Variants in ANKRD46 observed in about 807,000 individuals in gnomAD.
ANKRD46 encodes the protein ankyrin repeat domain 46, also known as ankyrin repeat domain-containing protein 46.
Under a neutral mutation model 19.8 loss-of-function variants are expected in ANKRD46, and 13 were observed. That is an observed-to-expected ratio of 0.66 (90% CI 0.43 to 1.04). The LOEUF (loss-of-function observed/expected upper bound fraction) is 1.04, where lower values mean the gene tolerates loss of function less well. Among genes scored for constraint, ANKRD46 ranks in the 50% least tolerant of loss-of-function variants. The pLI is 0.00. For synonymous variants in ANKRD46, 91 were observed against 106.9 expected (o/e 0.85, Z 0.92); for missense variants, 185 against 274.8 (o/e 0.67, Z 2.31).
intron 3 of ANKRD46, among the ~76,000 whole-genome samples, chr8:100,528,596 A>G (rs1811892801): frequency 6.6e-6 from 1 of 150,658 alleles, no homozygotes; most frequent in Non-Finnish European, 1.5e-5. Flanking sequence ...CTAGTTCTAG[A>G]TTCATTCTTA....
chr8:100,541,401 C>T (rs62515840), intron 1 of ANKRD46, among the ~76,000 whole-genome samples: 7,665 of 152,150 alleles, frequency 0.05, 298 homozygotes, highest in Non-Finnish European at 0.074. Context: ...GAGATTGTAT[C>T]CTTAGAAGAA....
intron 1 of ANKRD46, among the ~76,000 whole-genome samples, chr8:100,553,372 A>C (rs1812432197): frequency 6.6e-6 from 1 of 152,204 alleles, no homozygotes; most frequent in South Asian, 2.1e-4. Context: ...GATGACTGAT[A>C]GTAGGACTAA....
chr8:100,535,032 G>A (rs1462545128), intron 1 of ANKRD46, among the ~76,000 whole-genome samples: 1 of 152,218 alleles, frequency 6.6e-6, no homozygotes, highest in African/African-American at 2.4e-5. Context: ...CTCCCAAAGT[G>A]CTGGGATTAC....
In ANKRD46 at chr8:100,524,825, C is replaced by G. The variant is rs1332268739; in HGVS notation, c.471-2054G>C. 4.6e-5 allele frequency among the ~76,000 whole-genome samples: 7 copies of G among 152,122 alleles called. No individual in the cohort carries two copies. The highest frequency in any genetic ancestry group is 4.6e-4 in the Admixed American group (7 of 15,272). The stretch of plus-strand genomic sequence containing the variant: ...TGCCAATCGGGATATTCTATAAAGA[C>G]TTTATCCAATGAAATGCTTTCTACT... On this transcript the variant is annotated intron_variant, in intron 4 of 4. Coordinates refer to ENST00000335659, the MANE Select transcript of ANKRD46 (RefSeq NM_001270377.2). This position sits in a 1 kb window ranked among gnomAD's most constrained non-coding sequence, Gnocchi z 4.3.
rs1812378154 is a variant in ANKRD46 at position 100,551,070 on chromosome 8, C to G, written c.-131+8641G>C. ...TGTTCAGCTCGGGGATGGCCTTGCC[C>G]ACAGCCTTGGCAACACCAGTAGATG... On this transcript the variant is annotated intron_variant, in intron 1 of 4. Coordinates refer to ENST00000335659, the MANE Select transcript of ANKRD46 (RefSeq NM_001270377.2). The G allele has an allele frequency of 7.8e-6, 4 of 510,948 alleles. No homozygotes were observed. In the East Asian group the frequency reaches 2.0e-4, roughly 25 times the overall value. The allele number at this position is 510,948 out of a possible 1,614,324, so 31.7% of individuals were successfully genotyped here.
rs1242360639 is a variant in ANKRD46 at position 100,511,320 on chromosome 8, C to T, written c.637-681G>A. ...CCCAGGTCTGCCTGAGTGCGAGACC[C>T]CTGTGCTCACCACCACACTCTTCTG... is the stretch of plus-strand genomic sequence containing the variant. On this transcript the variant is annotated intron_variant, in intron 5 of 5. Transcript: ENST00000520552. The surrounding 1 kb of genome is among the most constrained non-coding windows in gnomAD (Gnocchi z 4.1). 6.6e-6 allele frequency among the ~76,000 whole-genome samples: 1 copy of T among 152,112 alleles called. No homozygotes were observed. Among genetic ancestry groups the T allele is most frequent in the African/African-American group, 2.4e-5 (1 of 41,414 alleles).
downstream of ANKRD46, among the ~76,000 whole-genome samples, chr8:100,518,768 C>T (rs1012620197): frequency 5.3e-5 from 8 of 151,630 alleles, no homozygotes; most frequent in African/African-American, 1.2e-4. Flanking sequence ...AGGAGAATGG[C>T]GTGAACCCGG....
At chr8:100,514,083 A>C (rs987420489) in intron 5 of ANKRD46, among the ~76,000 whole-genome samples, 1 of 152,228 alleles carries the variant, frequency 6.6e-6, no homozygotes, top group African/African-American at 2.4e-5. Flanking sequence ...ACAGGAAGAA[A>C]TAACTAACTC....
chr8:100,540,027 T>C (rs1812144275), intron 1 of ANKRD46, among the ~76,000 whole-genome samples: 1 of 152,242 alleles, frequency 6.6e-6, no homozygotes, highest in South Asian at 2.1e-4. Context: ...TTATGTCTGG[T>C]ATTACTATGC....
Position 100,538,022 on chromosome 8 carries a change from T to C in ANKRD46, c.-130-4711A>G, listed in dbSNP as rs536432455. On this transcript the variant is annotated intron_variant, in intron 1 of 4. Coordinates refer to ENST00000335659, the MANE Select transcript of ANKRD46 (RefSeq NM_001270377.2). ...GTCCTAAAATTCCTGCCAGAATATGTTTCTAGAAGCCAAGAAATGGGTCTG... is the reference window on the plus strand; with the variant it reads ...GTCCTAAAATTCCTGCCAGAATATGCTTCTAGAAGCCAAGAAATGGGTCTG... Among the ~76,000 whole-genome samples, 26 of 152,316 alleles carry C rather than the reference T, an allele frequency of 1.7e-4. No homozygotes were observed. In the South Asian group the frequency reaches 2.5e-3, roughly 15 times the overall value.
At chr8:100,519,804 A>G (rs2130636019), downstream of ANKRD46, among the ~76,000 whole-genome samples, 1 of 152,302 alleles carries the variant, frequency 6.6e-6, no homozygotes, top group South Asian at 2.1e-4. Flanking sequence ...CTACAGGCGC[A>G]CTGTGGAAGG....
chr8:100,536,302 G>A lies in ANKRD46; in HGVS notation c.-130-2991C>T, dbSNP rs1217538181. 2.6e-5 allele frequency among the ~76,000 whole-genome samples: 4 copies of A among 152,062 alleles called. No homozygotes were observed. The highest frequency in any genetic ancestry group is 2.0e-4 in the Admixed American group (3 of 15,272). On this transcript the variant is annotated intron_variant, in intron 1 of 4. Coordinates refer to ENST00000335659, the MANE Select transcript of ANKRD46 (RefSeq NM_001270377.2). This position sits in a 1 kb window ranked among gnomAD's most constrained non-coding sequence, Gnocchi z 4.9. ...AAGTAGCGGGGAGAGATATGTGATA[G>A]TCTGACTCTCCTGAAAGGCACTACT...
chr8:100,520,700 G>T, downstream of ANKRD46: 1 of 682,286 alleles, frequency 1.5e-6, no homozygotes, highest in Non-Finnish European at 1.8e-6. Context: ...GCAGCTAATT[G>T]CAATCCATTA....
rs962775773 is a variant in ANKRD46, at chr8:100,534,881, C to G, written c.-130-1570G>C. On this transcript the variant is annotated intron_variant, in intron 1 of 4. Transcript: ENST00000335659. The surrounding 1 kb of genome is among the most constrained non-coding windows in gnomAD (Gnocchi z 4.2). The stretch of plus-strand genomic sequence containing the variant: ...CTCCGCGTTCAAGCAATTATCCTGC[C>G]TCAGCCTCCCCAGTAGCTGGGACTA... 6.6e-6 allele frequency among the ~76,000 whole-genome samples: 1 copy of G among 152,212 alleles called. No homozygotes were observed. Among genetic ancestry groups the G allele is most frequent in the African/African-American group, 2.4e-5 (1 of 41,452 alleles).
At position 100,546,636 on chromosome 8, in the gene ANKRD46, T is replaced by C. The variant is rs922200971; in HGVS notation, c.-131+13075A>G. On this transcript the variant is annotated intron_variant, in intron 1 of 4. Coordinates refer to ENST00000335659, the MANE Select transcript of ANKRD46 (RefSeq NM_001270377.2). This position sits in a 1 kb window ranked among gnomAD's most constrained non-coding sequence, Gnocchi z 4.0. ...GTAGGGTTGGAGCCCCCACACAGAG[T>C]CCCCACTGGAGTGCTGCCTAGTGGA... 2.6e-5 allele frequency among the ~76,000 whole-genome samples: 4 copies of C among 151,862 alleles called. No individual in the cohort carries two copies. The highest frequency in any genetic ancestry group is 5.9e-5 in the Non-Finnish European group (4 of 67,958).
chr8:100,522,864 TACACACACAC>T (rs199938933), intron 4 of ANKRD46, 93 bp from the exon 5 acceptor site: 7 of 594,162 alleles, frequency 1.2e-5, no homozygotes, highest in Middle Eastern at 4.3e-4. Context: ...AAAGACCAAA[TACACACACAC>T]ACACACACAC....
At chr8:100,513,408 GTACT>G (rs1399940437) in intron 5 of ANKRD46, among the ~76,000 whole-genome samples, 15 of 152,202 alleles carry the variant, frequency 9.9e-5, no homozygotes, top group African/African-American at 3.6e-4. Flanking sequence ...TACACATGCA[GTACT>G]TAAATAATAC....
intron 1 of ANKRD46, among the ~76,000 whole-genome samples, chr8:100,553,701 G>A (rs2130708888): frequency 6.6e-6 from 1 of 152,124 alleles, no homozygotes; most frequent in Non-Finnish European, 1.5e-5. Flanking sequence ...GTGAGCTGAG[G>A]TTGCACCACT....
chr8:100,533,938 T>C (rs993575608), intron 1 of ANKRD46, among the ~76,000 whole-genome samples: 8 of 152,196 alleles, frequency 5.3e-5, no homozygotes, highest in African/African-American at 1.7e-4. Flanking sequence ...AGGCTGCACT[T>C]CTCTGCACTG....
Sources: allele counts gnomAD v4.1 joint callset (sites outside exome capture counted in the v4.1 genomes callset), GRCh38; gene constraint gnomAD v4.1.1; non-coding constraint Gnocchi (gnomAD v3.1); transcripts MANE v1.5; gene names NCBI Gene and HGNC (gene_info 2026-07-23, HGNC 2026-07-21).